Variants in NIPBL observed in about 807,000 individuals in gnomAD.
The protein encoded by NIPBL is NIPBL cohesin loading factor.
Under a neutral mutation model 321.8 loss-of-function variants are expected in NIPBL, and 19 were observed. The ratio of observed to expected loss-of-function variants is 0.06; its 90% CI spans 0.04 to 0.09. The LOEUF (loss-of-function observed/expected upper bound fraction) is 0.09. Among genes scored for constraint, NIPBL ranks in the 10% least tolerant of loss-of-function variants. The pLI, the probability that NIPBL is intolerant of heterozygous loss-of-function variation, is 1.00. For synonymous variants in NIPBL, 1,106 were observed against 1,114.1 expected (o/e 0.99, Z 0.14); for missense variants, 2,210 against 3,327.0 (o/e 0.66, Z 8.26).
At chr5:37,036,966 A>G (rs1393096113) in intron 33 of NIPBL, among the ~76,000 whole-genome samples, 1 of 152,118 alleles carries the variant, frequency 6.6e-6, no homozygotes, top group Non-Finnish European at 1.5e-5. Flanking sequence ...ATCTTGAGCT[A>G]GAAATTTATT....
chr5:37,050,421 A>T (rs1447429466), intron 40 of NIPBL, among the ~76,000 whole-genome samples: 1 of 150,852 alleles, frequency 6.6e-6, no homozygotes, highest in African/African-American at 2.4e-5. Flanking sequence ...CAGAGGTTGC[A>T]GTGAGCTGAG....
chr5:37,009,520 A>G (rs1335066494), intron 20 of NIPBL, among the ~76,000 whole-genome samples: 4 of 152,224 alleles, frequency 2.6e-5, no homozygotes, highest in African/African-American at 9.6e-5. Flanking sequence ...GACTAATTGT[A>G]TACTGATAAA....
intron 32 of NIPBL, among the ~76,000 whole-genome samples, chr5:37,035,963 A>G (rs1561193008): frequency 1.3e-5 from 2 of 152,192 alleles, no homozygotes; most frequent in Non-Finnish European, 2.9e-5. Flanking sequence ...GTTATGTTTT[A>G]TAATTGCCTT....
intron 1 of NIPBL, among the ~76,000 whole-genome samples, chr5:36,915,881 C>T (rs961527222): frequency 6.6e-6 from 1 of 152,074 alleles, no homozygotes; most frequent in African/African-American, 2.4e-5. Flanking sequence ...ATCAAACTGC[C>T]TAAGAACCCA....
At chr5:36,911,558 G>A (rs1303565284) in intron 1 of NIPBL, among the ~76,000 whole-genome samples, 2 of 152,046 alleles carry the variant, frequency 1.3e-5, no homozygotes, top group African/African-American at 4.8e-5. Flanking sequence ...TAAATTATGT[G>A]TGTGCTTATT....
chr5:37,035,074 G>C (rs1751533323), intron 32 of NIPBL, among the ~76,000 whole-genome samples: 1 of 152,204 alleles, frequency 6.6e-6, no homozygotes, highest in Admixed American at 6.5e-5. Context: ...CGGATCACTT[G>C]AGCCCAAGAG....
At chr5:36,919,033 G>A (rs1178202331) in intron 1 of NIPBL, among the ~76,000 whole-genome samples, 1 of 152,050 alleles carries the variant, frequency 6.6e-6, no homozygotes, top group African/African-American at 2.4e-5. Context: ...GATGATGCTG[G>A]CCTCCTAAAA....
intron 11 of NIPBL, among the ~76,000 whole-genome samples, chr5:36,997,398 C>T (rs1300954670): frequency 6.6e-6 from 1 of 152,120 alleles, no homozygotes; most frequent in East Asian, 1.9e-4. Context: ...TCAAAAATTT[C>T]CACCAAGTGT....
At chr5:36,945,549 T>C (rs1397609699) in intron 1 of NIPBL, among the ~76,000 whole-genome samples, 4 of 152,206 alleles carry the variant, frequency 2.6e-5, no homozygotes, top group Admixed American at 6.5e-5. Flanking sequence ...AGCTACACTA[T>C]TGGGACACGC....
At position 37,020,482 on chromosome 5, in the gene NIPBL, C is replaced by T. The variant is rs912979779; in HGVS notation, c.5034C>T (p.Ala1678=). ...AGTTTTCTCGTAAATTCTATATAGC[C>T]CAGTGGTTTCGAGACACAACTCTGG... ...SLVFSRKFYI[A]QWFRDTTLET... Residue 1678 remains alanine (A), a synonymous_variant, in exon 26 of 47, where the codon GCC becomes GCT. Transcript: ENST00000282516. 1 of 1,612,470 alleles carries T rather than the reference C, an allele frequency of 6.2e-7. No individual in the cohort carries two copies. Among genetic ancestry groups the T allele is most frequent in the African/African-American group, 1.3e-5 (1 of 74,820 alleles).
intron 1 of NIPBL, among the ~76,000 whole-genome samples, chr5:36,884,483 C>T (rs1279681826): frequency 6.6e-6 from 1 of 152,166 alleles, no homozygotes; most frequent in African/African-American, 2.4e-5. Context: ...GAAAGCATTG[C>T]CTTTACAAAA....
chr5:36,878,780 A>G (rs1294459808), intron 1 of NIPBL, among the ~76,000 whole-genome samples: 1 of 152,226 alleles, frequency 6.6e-6, no homozygotes, highest in East Asian at 1.9e-4. Flanking sequence ...TTAATGCTAT[A>G]AATCCGTGTA....
intron 1 of NIPBL, among the ~76,000 whole-genome samples, chr5:36,918,484 A>G (rs1748656318): frequency 6.6e-6 from 1 of 152,030 alleles, no homozygotes; most frequent in Non-Finnish European, 1.5e-5. Flanking sequence ...GGACAATTTG[A>G]CTTCCTCTTT....
In NIPBL at chr5:37,059,000, TAGATTC is replaced by T. The variant is rs587784044; in HGVS notation, c.7542_7547del (p.Asp2514_Ser2515del). The T allele has an allele frequency of 1.3e-4, 206 of 1,614,156 alleles. 1 individual carries two copies. The highest frequency in any genetic ancestry group is 3.7e-4 in the African/African-American group (28 of 75,042). ...AGGCCTCGGAAGTCACGGAAACGTG[TAGATTC>T]AGATTCAGATTCAGATTCAGAAGAC... is the stretch of plus-strand genomic sequence containing the variant. On this transcript the variant is annotated inframe_deletion, in exon 44 of 47. Coordinates refer to ENST00000282516, the MANE Select transcript of NIPBL (RefSeq NM_133433.4).
At chr5:37,018,571 G>A (rs1012481266) in intron 24 of NIPBL, among the ~76,000 whole-genome samples, 22 of 152,120 alleles carry the variant, frequency 1.4e-4, no homozygotes, top group African/African-American at 5.3e-4. Context: ...GAATTGTAAT[G>A]TAGAAACCAA....
intron 1 of NIPBL, among the ~76,000 whole-genome samples, chr5:36,945,760 T>G (rs1739598998): frequency 6.6e-6 from 1 of 152,118 alleles, no homozygotes; most frequent in African/African-American, 2.4e-5. Context: ...AACTTTTTGT[T>G]TTTGAGGTAG....
At chr5:36,928,400 C>T (rs985729422) in intron 1 of NIPBL, among the ~76,000 whole-genome samples, 3 of 152,080 alleles carry the variant, frequency 2.0e-5, no homozygotes, top group African/African-American at 4.8e-5. Context: ...TTTGCATTCC[C>T]AGAAATTGTT....
intron 40 of NIPBL, 36 bp downstream of exon 40, chr5:37,049,337 G>C (rs998676978): frequency 4.4e-6 from 7 of 1,596,254 alleles, no homozygotes; most frequent in Non-Finnish European, 6.0e-6. Context: ...CTTACTAAAA[G>C]AGCAAGATTA....
chr5:36,940,496 C>A (rs1380444147), intron 1 of NIPBL, among the ~76,000 whole-genome samples: 1 of 152,136 alleles, frequency 6.6e-6, no homozygotes. Context: ...TCTTCAGGGA[C>A]TTGAGCATGT....
Sources: allele counts gnomAD v4.1 joint callset (sites outside exome capture counted in the v4.1 genomes callset), GRCh38; gene constraint gnomAD v4.1.1; transcripts MANE v1.5; gene names NCBI Gene and HGNC (gene_info 2026-07-23, HGNC 2026-07-21).